ATF3: variants seen among roughly 807,000 people sequenced by gnomAD.
ATF3 encodes the protein activating transcription factor 3.
In ATF3, 10 loss-of-function variants were observed where a neutral mutation model predicts 18.4. The ratio of observed to expected loss-of-function variants is 0.54; its 90% CI spans 0.34 to 0.92. The LOEUF is 0.92. ATF3 is among the 40% of genes least tolerant of loss of function. The pLI, the probability that ATF3 is intolerant of heterozygous loss-of-function variation, is 0.02. For missense variants in ATF3, 183 were observed against 222.3 expected (o/e 0.82, Z 1.12); for synonymous variants, 78 against 87.9 (o/e 0.89, Z 0.63).
In ATF3 at chr1:212,618,206, A is replaced by C. The variant is rs1406552577; in HGVS notation, c.320A>C (p.Lys107Thr). ...GCAGCTGCAAAGTGCCGAAACAAGAAGAAGGAGAAGACGGAGTGCCTGCAG... is the reference window on the plus strand; with the variant it reads ...GCAGCTGCAAAGTGCCGAAACAAGACGAAGGAGAAGACGGAGTGCCTGCAG... ...KIAAAKCRNK[K>T]KEKTECLQKE... The change falls in exon 3 of 4, where the codon AAG becomes ACG. Residue 107 changes from lysine (K) to threonine (T), a missense_variant. Physicochemically the swap from Lys to Thr is moderately conservative, Grantham distance 78. Coordinates refer to ENST00000341491, the MANE Select transcript of ATF3 (RefSeq NM_001674.4). The surrounding 1 kb of genome is among the most constrained non-coding windows in gnomAD (Gnocchi z 4.4). 1.2e-6 allele frequency: 2 copies of C among 1,614,036 alleles called. No individual in the cohort carries two copies. The highest frequency in any genetic ancestry group is 1.7e-6 in the Non-Finnish European group (2 of 1,179,990).
chr1:212,614,877 GA>G, intron 1 of ATF3, 140 bp from the exon 2 acceptor site: 3 of 1,483,326 alleles, frequency 2.0e-6, no homozygotes, highest in Non-Finnish European at 2.8e-6. Flanking sequence ...GGCATGAAAT[GA>G]AAACAAAACA....
chr1:212,597,059 G>A (rs575193202), intron 1 of ATF3, among the ~76,000 whole-genome samples: 92 of 152,238 alleles, frequency 6.0e-4, no homozygotes, highest in African/African-American at 2.1e-3. Context: ...AAGATGCGGG[G>A]GCAATCTTCA....
In ATF3 at chr1:212,619,945, G is replaced by C. The variant is rs1655304280; in HGVS notation, c.*390G>C. 1 of 279,860 alleles carries C rather than the reference G, an allele frequency of 3.6e-6. No homozygotes were observed. Among genetic ancestry groups the C allele is most frequent in the South Asian group, 3.9e-5 (1 of 25,796 alleles). 17.3% of individuals were successfully genotyped at this position (279,860 alleles called of 1,614,324 possible). A position where few individuals can be genotyped will look rare whatever the true frequency, so the allele number is the denominator to read the frequency against. ...GGATGGGGCCATCTCCTTCACCGTG[G>C]CTACCATTGTCACTCGTAGGGGATG... On this transcript the variant is annotated 3_prime_UTR_variant, in exon 4 of 4. Transcript: ENST00000341491. This position sits in a 1 kb window ranked among gnomAD's most constrained non-coding sequence, Gnocchi z 4.4.
In ATF3 at chr1:212,566,847, G is replaced by A. The variant is rs76080420; in HGVS notation, c.-5+1364G>A. Among the ~76,000 whole-genome samples the A allele has an allele frequency of 1.2e-4, 19 of 152,260 alleles. No individual in the cohort carries two copies. In the East Asian group the frequency reaches 3.3e-3, roughly 26 times the overall value. ...CCCAAGAGGATGCACCTCCTGCACT[G>A]CTTGGCATCACTTCCTGGGAAAGTA... On this transcript the variant is annotated intron_variant, in intron 1 of 3. Coordinates refer to the ATF3 transcript ENST00000366981.
At chr1:212,566,140 C>G (rs1312839259) in intron 1 of ATF3, among the ~76,000 whole-genome samples, 1 of 152,128 alleles carries the variant, frequency 6.6e-6, no homozygotes, top group East Asian at 1.9e-4. Flanking sequence ...GTCAGGAGAT[C>G]TTGTTTGGCA....
chr1:212,612,614 A>G (rs1294207157), intron 1 of ATF3, among the ~76,000 whole-genome samples: 2 of 152,186 alleles, frequency 1.3e-5, no homozygotes, highest in African/African-American at 2.4e-5. Flanking sequence ...GCATCCTAAG[A>G]TTATAGGATT....
chr1:212,619,392 T>C lies in ATF3; in HGVS notation c.383T>C (p.Leu128Pro). The C allele has an allele frequency of 1.2e-6, 2 of 1,613,922 alleles. No individual in the cohort carries two copies. Among genetic ancestry groups the C allele is most frequent in the Non-Finnish European group, 1.7e-6 (2 of 1,180,036 alleles). ...SEKLESVNAE[L>P]KAQIEELKNE... ...AAGCTGGAAAGTGTGAATGCTGAACTGAAGGCTCAGATTGAGGAGCTCAAG... is the reference window on the plus strand; with the variant it reads ...AAGCTGGAAAGTGTGAATGCTGAACCGAAGGCTCAGATTGAGGAGCTCAAG... Residue 128 changes from leucine to proline, a missense_variant, in exon 4 of 4, where the codon CTG (leucine) becomes CCG (proline). Coordinates refer to ENST00000341491, the MANE Select transcript of ATF3 (RefSeq NM_001674.4). The surrounding 1 kb of genome is among the most constrained non-coding windows in gnomAD (Gnocchi z 4.4).
chr1:212,573,918 TATTTCTA>T (rs1413428137), intron 1 of ATF3, among the ~76,000 whole-genome samples: 1 of 150,636 alleles, frequency 6.6e-6, no homozygotes, highest in Non-Finnish European at 1.5e-5. Context: ...CTCCCCTTTT[TATTTCTA>T]ATTTTATTAT....
intron 1 of ATF3, among the ~76,000 whole-genome samples, chr1:212,603,156 G>A (rs1654529655): frequency 6.6e-6 from 1 of 152,162 alleles, no homozygotes; most frequent in Non-Finnish European, 1.5e-5. Context: ...CTACCTGGTA[G>A]CCACTCATGT....
At chr1:212,600,724 A>G (rs1226725969) in intron 1 of ATF3, among the ~76,000 whole-genome samples, 1 of 152,228 alleles carries the variant, frequency 6.6e-6, no homozygotes, top group African/African-American at 2.4e-5. Flanking sequence ...CCCTTGCTGC[A>G]TCAGGCTGTA....
At chr1:212,574,516 GT>G (rs1000408783) in intron 1 of ATF3, among the ~76,000 whole-genome samples, 8 of 151,678 alleles carry the variant, frequency 5.3e-5, no homozygotes, top group African/African-American at 1.4e-4. Context: ...TTAACACATA[GT>G]TTTTTTCTCT....
intron 1 of ATF3, chr1:212,565,493 G>A (rs3806460): frequency 6.6e-6 from 1 of 152,068 alleles, no homozygotes; most frequent in African/African-American, 2.4e-5. Flanking sequence ...TGTGAGTCTT[G>A]ACTTTTTCTC....
intron 1 of ATF3, among the ~76,000 whole-genome samples, chr1:212,612,239 C>T (rs553471313): frequency 6.6e-6 from 1 of 152,182 alleles, no homozygotes; most frequent in Admixed American, 6.5e-5. Flanking sequence ...CATTCCATAC[C>T]ACTGACATTC....
intron 1 of ATF3, among the ~76,000 whole-genome samples, chr1:212,594,737 T>C (rs1664956980): frequency 6.6e-6 from 1 of 152,242 alleles, no homozygotes; most frequent in African/African-American, 2.4e-5. Context: ...CCCCGCCTGA[T>C]CCCTTTTTAG....
chr1:212,599,844 A>C (rs1470363965), intron 1 of ATF3, among the ~76,000 whole-genome samples: 3 of 152,076 alleles, frequency 2.0e-5, no homozygotes, highest in Admixed American at 6.5e-5. Flanking sequence ...GTTTCCCAAA[A>C]TCATCCCCTC....
chr1:212,583,535 C>T (rs1664723889), intron 1 of ATF3, among the ~76,000 whole-genome samples: 1 of 152,154 alleles, frequency 6.6e-6, no homozygotes, highest in Non-Finnish European at 1.5e-5. Flanking sequence ...GCTGTCACCA[C>T]CCAGGCCTAC....
intron 1 of ATF3, among the ~76,000 whole-genome samples, chr1:212,579,769 A>C (rs1297254487): frequency 2.6e-5 from 4 of 152,188 alleles, no homozygotes; most frequent in Non-Finnish European, 5.9e-5. Flanking sequence ...TGGCTGCTTC[A>C]TTAGCCTGGG....
chr1:212,566,343 C>T (rs1322312164), intron 1 of ATF3, among the ~76,000 whole-genome samples: 1 of 152,192 alleles, frequency 6.6e-6, no homozygotes, highest in African/African-American at 2.4e-5. Context: ...GTTTGAGTGT[C>T]TGGCTCTGCC....
At chr1:212,577,398 C>A (rs1416740071) in intron 1 of ATF3, among the ~76,000 whole-genome samples, 10 of 152,104 alleles carry the variant, frequency 6.6e-5, no homozygotes, top group Admixed American at 6.6e-4. Flanking sequence ...ACATAGTTAT[C>A]ATTTTTGTGC....
Sources: allele counts gnomAD v4.1 joint callset (sites outside exome capture counted in the v4.1 genomes callset), GRCh38; gene constraint gnomAD v4.1.1; non-coding constraint Gnocchi (gnomAD v3.1); transcripts MANE v1.5; gene names NCBI Gene and HGNC (gene_info 2026-07-23, HGNC 2026-07-21).